The following ITGAV variants were observed in gnomAD, a reference collection of about 807,000 sequenced individuals.
ITGAV encodes the protein integrin alpha-V.
ITGAV carries 76 observed loss-of-function variants against 143.8 expected under a neutral mutation model. The observed-to-expected ratio is 0.53, with a 90% CI of 0.44 to 0.64. ITGAV has a LOEUF of 0.64. Ranked by LOEUF, ITGAV falls within the 30% of genes least tolerant of loss-of-function variation. The pLI is 0.00. For synonymous variants in ITGAV, 453 were observed against 446.7 expected (o/e 1.01, Z -0.18); for missense variants, 1,193 against 1,274.7 (o/e 0.94, Z 0.98).
chr2:186,601,968 A>G, intron 1 of ITGAV, 53 bp from the exon 2 acceptor site: 8 of 1,555,216 alleles, frequency 5.1e-6, no homozygotes, highest in Admixed American at 2.0e-5. Context: ...ATCAGAAGAT[A>G]TTGCTTACAC....
At chr2:186,627,116 A>G (rs1227358498) in intron 4 of ITGAV, among the ~76,000 whole-genome samples, 2 of 152,252 alleles carry the variant, frequency 1.3e-5, no homozygotes, top group Admixed American at 6.5e-5. Flanking sequence ...TTATTTCCAC[A>G]TCTCATGGGG....
At chr2:186,675,548 T>C (rs1196103852) in intron 26 of ITGAV, 56 bp from the exon 27 acceptor site, 2 of 1,341,876 alleles carry the variant, frequency 1.5e-6, no homozygotes, top group East Asian at 4.6e-5. Context: ...AATTTTCAAA[T>C]GTTGAAGAGA....
At chr2:186,643,668 C>A (rs1688170323) in intron 12 of ITGAV, among the ~76,000 whole-genome samples, 1 of 151,976 alleles carries the variant, frequency 6.6e-6, no homozygotes, top group Non-Finnish European at 1.5e-5. Flanking sequence ...TTTTATATAG[C>A]CCCAAGGTAA....
intron 3 of ITGAV, among the ~76,000 whole-genome samples, chr2:186,624,674 T>G (rs1039388123): frequency 3.3e-5 from 5 of 152,246 alleles, no homozygotes; most frequent in African/African-American, 1.2e-4. Context: ...TTTGGTAGAT[T>G]ACTATGTTGT....
Position 186,637,214 on chromosome 2 carries a change from G to GGAGATTA in ITGAV, c.802+105_802+106insGAGATTA. ...GCAGTTTGAGTGGCTGGGTGCTGTG[G>GGAGATTA]CTGCAGCCTGTAATCTCAGCACTTT... On this transcript the variant is annotated intron_variant, in intron 8 of 29. Transcript: ENST00000261023. 3.4e-6 allele frequency: 3 copies of GGAGATTA among 890,748 alleles called. No individual in the cohort carries two copies. In the South Asian group the frequency reaches 4.1e-5, roughly 12 times the overall value. The allele number at this position is 890,748 out of a possible 1,614,324, so 55.2% of individuals were successfully genotyped here. A position where few individuals can be genotyped will look rare whatever the true frequency, so the allele number is the denominator to read the frequency against.
chr2:186,599,986 TC>T (rs1686853031), intron 1 of ITGAV, among the ~76,000 whole-genome samples: 2 of 152,306 alleles, frequency 1.3e-5, no homozygotes, highest in Admixed American at 1.3e-4. Flanking sequence ...CATTTTTTTC[TC>T]CCTCTCCCTT....
intron 8 of ITGAV, among the ~76,000 whole-genome samples, chr2:186,637,484 A>G (rs1210397913): frequency 1.4e-5 from 2 of 147,368 alleles, no homozygotes; most frequent in Non-Finnish European, 3.0e-5. Flanking sequence ...CCTGTCTCAA[A>G]AAAAAAAAAA....
chr2:186,641,047 T>C, intron 11 of ITGAV, 80 bp downstream of exon 11: 1 of 1,132,970 alleles, frequency 8.8e-7, no homozygotes, highest in Non-Finnish European at 1.3e-6. Context: ...CATTTTTTTC[T>C]TCTGTTTTTG....
intron 2 of ITGAV, among the ~76,000 whole-genome samples, chr2:186,615,559 A>G (rs1687330423): frequency 1.3e-5 from 2 of 152,118 alleles, no homozygotes; most frequent in South Asian, 4.1e-4. Flanking sequence ...GATGATGAAT[A>G]ATGTTGAACA....
intron 13 of ITGAV, among the ~76,000 whole-genome samples, chr2:186,647,455 T>C (rs769407029): frequency 7.2e-5 from 11 of 152,142 alleles, no homozygotes; most frequent in Non-Finnish European, 1.5e-4. Flanking sequence ...AGGCTGGTCT[T>C]GAACTCATGA....
At chr2:186,649,802 A>G (rs1688372621) in intron 13 of ITGAV, 38 bp from the exon 14 acceptor site, 1 of 1,401,964 alleles carries the variant, frequency 7.1e-7, no homozygotes, top group African/African-American at 1.4e-5. Flanking sequence ...TTTAAAAACC[A>G]TTATCATTAT....
At chr2:186,636,229 T>C in intron 7 of ITGAV, 22 bp downstream of exon 7, 1 of 1,601,630 alleles carries the variant, frequency 6.2e-7, no homozygotes, top group Non-Finnish European at 8.5e-7. Context: ...CAAAATTTAC[T>C]CATTTTTGGA....
intron 2 of ITGAV, among the ~76,000 whole-genome samples, chr2:186,615,017 T>G (rs1393785828): frequency 6.6e-6 from 1 of 152,062 alleles, no homozygotes; most frequent in East Asian, 1.9e-4. Flanking sequence ...CTCTCCCCAT[T>G]TGTACCTCCA....
intron 13 of ITGAV, among the ~76,000 whole-genome samples, chr2:186,648,545 A>G (rs1241283637): frequency 2.0e-5 from 3 of 152,144 alleles, no homozygotes; most frequent in Non-Finnish European, 4.4e-5. Flanking sequence ...GCTCACTGCA[A>G]ACTTCACCGC....
Position 186,622,334 on chromosome 2 carries a change from T to C in ITGAV, c.317-5T>C. On this transcript the variant is annotated splice_region_variant and splice_polypyrimidine_tract_variant and intron_variant, in intron 2 of 29. Coordinates refer to ENST00000261023, the MANE Select transcript of ITGAV (RefSeq NM_002210.5). ...TGTCTTACCACTCACAATATTCTTT[T>C]TTAGGCAATAGAGATTATGCCAAGG... 6.2e-7 allele frequency: 1 copy of C among 1,600,510 alleles called. No homozygotes were observed.
At chr2:186,631,920 G>C (rs1039004446) in intron 5 of ITGAV, among the ~76,000 whole-genome samples, 4 of 152,018 alleles carry the variant, frequency 2.6e-5, no homozygotes, top group Non-Finnish European at 5.9e-5. Flanking sequence ...CTAGCTATTC[G>C]GGAGGCTAAG....
chr2:186,635,267 A>G (rs1687919371), intron 6 of ITGAV, among the ~76,000 whole-genome samples: 1 of 152,202 alleles, frequency 6.6e-6, no homozygotes, highest in African/African-American at 2.4e-5. Flanking sequence ...CGTTGTTAGA[A>G]TGGAGAAAAG....
intron 2 of ITGAV, among the ~76,000 whole-genome samples, chr2:186,618,610 G>A (rs973375134): frequency 3.9e-5 from 6 of 152,294 alleles, no homozygotes; most frequent in Admixed American, 3.3e-4. Flanking sequence ...TTAAAGAAAA[G>A]TAACGTTTGT....
chr2:186,632,600 G>A (rs929996218), intron 5 of ITGAV, among the ~76,000 whole-genome samples: 4 of 152,032 alleles, frequency 2.6e-5, no homozygotes, highest in African/African-American at 9.7e-5. Flanking sequence ...GAAATGCTAG[G>A]CAAGCATAAT....
Sources: gnomAD v4.1 joint callset for allele counts (sites outside exome capture counted in the v4.1 genomes callset) on GRCh38, gnomAD v4.1.1 for gene constraint, MANE v1.5 for transcripts, NCBI Gene and HGNC (gene_info 2026-07-23, HGNC 2026-07-21) for gene names.